PTPRD: variants seen among roughly 807,000 people sequenced by gnomAD.
PTPRD encodes receptor-type tyrosine-protein phosphatase delta.
In PTPRD, 34 loss-of-function variants were observed where a neutral mutation model predicts 214.5. The observed-to-expected ratio is 0.16, with a 90% confidence interval of 0.12 to 0.21. The LOEUF (loss-of-function observed/expected upper bound fraction) is 0.21, where lower values mean the gene tolerates loss of function less well. Among genes scored for constraint, PTPRD ranks in the 10% least tolerant of loss-of-function variants. The probability of loss-of-function intolerance (pLI) is 1.00; values close to 1 mark genes in which losing one functional copy is unlikely to be tolerated. For synonymous variants in PTPRD, 1,128 were observed against 845.7 expected, an observed-to-expected ratio of 1.33 and a Z score of -5.79; for missense variants, 2,545 against 2,398.7, an observed-to-expected ratio of 1.06 and a Z score of -1.27.
chr9:9,447,311 G>A (rs548410684), intron 8 of PTPRD, among the ~76,000 whole-genome samples: 3 of 151,996 alleles, frequency 2.0e-5, no homozygotes, highest in East Asian at 3.9e-4. Flanking sequence ...TGCTATATAT[G>A]TACCCCATGG....
intron 43 of PTPRD, among the ~76,000 whole-genome samples, chr9:8,334,774 T>C (rs951275729): frequency 8.8e-6 from 1 of 113,154 alleles, no homozygotes; most frequent in Non-Finnish European, 1.9e-5. Flanking sequence ...ATCAACAAAA[T>C]AGATAGAAAA....
chr9:9,991,416 C>A (rs1169626937), intron 4 of PTPRD, among the ~76,000 whole-genome samples: 1 of 151,266 alleles, frequency 6.6e-6, no homozygotes, highest in Admixed American at 6.6e-5. Flanking sequence ...GGCTGGAGTG[C>A]AATGTTGTGA....
intron 12 of PTPRD, among the ~76,000 whole-genome samples, chr9:8,666,003 C>T (rs1248469722): frequency 2.0e-5 from 3 of 149,960 alleles, no homozygotes; most frequent in Admixed American, 6.6e-5. Context: ...ATTATTTCCC[C>T]GTAATTATTA....
At chr9:10,361,549 G>T (rs1327515869) in intron 2 of PTPRD, among the ~76,000 whole-genome samples, 2 of 152,098 alleles carry the variant, frequency 1.3e-5, no homozygotes, top group Non-Finnish European at 1.5e-5. Context: ...GTATACAGTT[G>T]TGTCTACTAT....
intron 4 of PTPRD, among the ~76,000 whole-genome samples, chr9:9,991,257 G>T (rs2095906988): frequency 2.0e-5 from 3 of 151,570 alleles, no homozygotes; most frequent in Admixed American, 6.6e-5. Flanking sequence ...TCATAAACTT[G>T]GGGATTGGAA....
At chr9:8,507,013 C>T (rs928338522) in intron 22 of PTPRD, among the ~76,000 whole-genome samples, 1 of 152,084 alleles carries the variant, frequency 6.6e-6, no homozygotes, top group Admixed American at 6.6e-5. Flanking sequence ...TAACCTGATA[C>T]ATCTATGGAA....
intron 3 of PTPRD, among the ~76,000 whole-genome samples, chr9:10,236,303 G>C (rs2099628621): frequency 1.3e-5 from 2 of 151,880 alleles, no homozygotes; most frequent in African/African-American, 2.4e-5. Flanking sequence ...TGTCTTTTGA[G>C]CCTGTTAAGT....
At chr9:9,829,104 A>C (rs935274342) in intron 5 of PTPRD, among the ~76,000 whole-genome samples, 1 of 151,884 alleles carries the variant, frequency 6.6e-6, no homozygotes, top group African/African-American at 2.4e-5. Context: ...ACATTTATCT[A>C]TGACTTTGCT....
chr9:10,401,523 G>C (rs1198398466), intron 2 of PTPRD, among the ~76,000 whole-genome samples: 6 of 150,094 alleles, frequency 4.0e-5, no homozygotes, highest in Non-Finnish European at 8.9e-5. Flanking sequence ...TATGTAAACA[G>C]GTATATATAG....
intron 7 of PTPRD, among the ~76,000 whole-genome samples, chr9:9,733,807 T>G (rs933976494): frequency 6.6e-6 from 1 of 152,174 alleles, no homozygotes; most frequent in Non-Finnish European, 1.5e-5. Context: ...AAATGTTTGA[T>G]AATCTTGTAT....
In PTPRD at chr9:9,769,317, CTT is replaced by C. The variant is rs34497562; in HGVS notation, c.-367-2468_-367-2467del. ...GTAAACTATGTTTTAACCAGAAGCC[CTT>C]TTTTTTTTTTTTTTTTTTTTTTTTG... On this transcript the variant is annotated intron_variant, in intron 5 of 45. Coordinates refer to ENST00000381196, the MANE Select transcript of PTPRD (RefSeq NM_002839.4). Among the ~76,000 whole-genome samples the C allele has an allele frequency of 0.018, 1,254 of 69,406 alleles. 9 individuals carry two copies. The East Asian group carries it at 0.26, about 14-fold the overall frequency. The allele number at this position is 69,406 out of a possible 152,430, so 45.5% of individuals were successfully genotyped here.
At chr9:9,645,361 T>C (rs2096120276) in intron 7 of PTPRD, among the ~76,000 whole-genome samples, 1 of 152,040 alleles carries the variant, frequency 6.6e-6, no homozygotes, top group Admixed American at 6.6e-5. Context: ...TCATTCATAT[T>C]AAACTCCCAA....
chr9:8,324,344 T>C (rs533583554), intron 44 of PTPRD, among the ~76,000 whole-genome samples: 8 of 152,290 alleles, frequency 5.3e-5, no homozygotes, highest in South Asian at 4.1e-4. Context: ...AGTGAGAATA[T>C]GCGGCGTTTG....
intron 5 of PTPRD, among the ~76,000 whole-genome samples, chr9:9,820,474 G>C (rs371202995): frequency 2.6e-5 from 4 of 152,020 alleles, no homozygotes; most frequent in African/African-American, 9.7e-5. Flanking sequence ...TTATGCAGAA[G>C]CTCTTTAGTT....
rs561500885 is a variant in PTPRD at position 9,778,840 on chromosome 9, C to A, written c.-367-11989G>T. Among the ~76,000 whole-genome samples the A allele has an allele frequency of 3.5e-4, 53 of 151,956 alleles. 1 individual carries two copies. Among genetic ancestry groups the A allele is most frequent in the Admixed American group, 3.4e-3 (52 of 15,248 alleles). On this transcript the variant is annotated intron_variant, in intron 5 of 45. Coordinates refer to ENST00000381196, the MANE Select transcript of PTPRD (RefSeq NM_002839.4). Reference sequence around the variant, plus strand: ...CTACAAAACAACCAAAGTCATTGTTCACAAAATTAGAAAAAAATTTCTAAA... The same window carrying A: ...CTACAAAACAACCAAAGTCATTGTTAACAAAATTAGAAAAAAATTTCTAAA...
intron 11 of PTPRD, among the ~76,000 whole-genome samples, chr9:8,820,089 C>T (rs1297368028): frequency 6.6e-6 from 1 of 152,144 alleles, no homozygotes; most frequent in African/African-American, 2.4e-5. Flanking sequence ...AGATATAAAT[C>T]AGAATATGTA....
intron 9 of PTPRD, among the ~76,000 whole-genome samples, chr9:9,333,968 T>G (rs556531205): frequency 2.6e-5 from 4 of 152,066 alleles, no homozygotes; most frequent in African/African-American, 7.2e-5. Context: ...TTCCACCAGA[T>G]TAGAATCTAT....
At chr9:9,812,632 C>T (rs1746804) in intron 5 of PTPRD, among the ~76,000 whole-genome samples, 70,815 of 151,852 alleles carry the variant, frequency 0.47, 20,000 homozygotes, top group African/African-American at 0.8. Context: ...TGTAAATATA[C>T]ATGTACTCTA....
At chr9:8,991,705 G>T (rs949119490) in intron 11 of PTPRD, among the ~76,000 whole-genome samples, 17 of 152,030 alleles carry the variant, frequency 1.1e-4, no homozygotes, top group African/African-American at 3.9e-4. Flanking sequence ...GCCTCTTAGG[G>T]TAATTTTAAT....
Sources: gnomAD v4.1 joint callset for allele counts (sites outside exome capture counted in the v4.1 genomes callset) on GRCh38, gnomAD v4.1.1 for gene constraint, MANE v1.5 for transcripts, NCBI Gene and HGNC (gene_info 2026-07-23, HGNC 2026-07-21) for gene names.